NHSL2: variants seen among roughly 807,000 people sequenced by gnomAD.
NHSL2 encodes the protein NHS like 2.
In NHSL2, 27 loss-of-function variants were observed where a neutral mutation model predicts 53.4. The observed-to-expected ratio is 0.51, with a 90% CI of 0.37 to 0.70. The LOEUF (loss-of-function observed/expected upper bound fraction) is 0.70. Among genes scored for constraint, NHSL2 ranks in the 30% least tolerant of loss-of-function variants. The pLI, the probability that NHSL2 is intolerant of heterozygous loss-of-function variation, is 0.00. For missense variants in NHSL2, 892 were observed against 980.1 expected, an observed-to-expected ratio of 0.91 and a Z score of 1.20; for synonymous variants, 408 against 404.1, an observed-to-expected ratio of 1.01 and a Z score of -0.12.
intron 1 of NHSL2, chrX:72,130,463 T>C: frequency 8.3e-7 from 1 of 1,210,721 alleles, no homozygotes; most frequent in Non-Finnish European, 1.1e-6. Flanking sequence ...CTCTGGTCCT[T>C]GGAGTGAAGC....
chrX:72,011,669 CA>C (rs1168112620), intron 1 of NHSL2, among the ~76,000 whole-genome samples: 5 of 102,077 alleles, frequency 4.9e-5, no homozygotes, highest in East Asian at 3.1e-4. Context: ...GACTCCATCT[CA>C]AAAAAAAAAC....
intron 1 of NHSL2, among the ~76,000 whole-genome samples, chrX:71,928,234 G>T (rs1244270041): frequency 2.7e-5 from 3 of 111,788 alleles, no homozygotes; most frequent in African/African-American, 9.8e-5. Flanking sequence ...TGGGAGAATT[G>T]ATTCTTTAGT....
chrX:71,997,833 G>T (rs1569470547), intron 1 of NHSL2, among the ~76,000 whole-genome samples: 1 of 112,085 alleles, frequency 8.9e-6, no homozygotes, highest in African/African-American at 3.2e-5. Flanking sequence ...CTGGCACCTG[G>T]CAGGTACTCA....
At chrX:72,066,011 C>T (rs1198323157) in intron 1 of NHSL2, among the ~76,000 whole-genome samples, 2 of 111,728 alleles carry the variant, frequency 1.8e-5, no homozygotes, top group Non-Finnish European at 3.8e-5. Flanking sequence ...TTGGAAGGTT[C>T]CAAGCAATGG....
chrX:71,980,003 A>G (rs1434261795), intron 1 of NHSL2, among the ~76,000 whole-genome samples: 1 of 112,161 alleles, frequency 8.9e-6, no homozygotes, highest in Non-Finnish European at 1.9e-5. Flanking sequence ...TCCCAGCACC[A>G]TTTATTAAAT....
At chrX:71,947,546 G>A (rs919257006) in intron 1 of NHSL2, among the ~76,000 whole-genome samples, 1 of 112,266 alleles carries the variant, frequency 8.9e-6, no homozygotes, top group African/African-American at 3.2e-5. Context: ...AAGAGGAAAA[G>A]GAAGTAAGTT....
rs1259343554 is a variant in NHSL2, at chrX:72,134,583, G to A, written c.639G>A (p.Leu213=). ...GVRAPEASLS[L]STTADKQTAW... is the part of the protein sequence containing the mutation. ...GGGCCCCCGAGGCCTCCCTGAGCCT[G>A]TCTACCACAGCCGACAAGCAAACTG... Residue 213 remains leucine, a synonymous_variant, in exon 4 of 8, where the codon CTG becomes CTA. Coordinates refer to ENST00000633930, the MANE Select transcript of NHSL2 (RefSeq NM_001013627.3). The A allele has an allele frequency of 8.6e-7, 1 of 1,166,457 alleles. No individual in the cohort carries two copies. The highest frequency in any genetic ancestry group is 2.6e-5 in the Admixed American group (1 of 38,875).
At chrX:72,038,401 T>C (rs757962542) in intron 1 of NHSL2, among the ~76,000 whole-genome samples, 1 of 112,127 alleles carries the variant, frequency 8.9e-6, no homozygotes, top group South Asian at 3.7e-4. Context: ...AACAGTAAAG[T>C]AGGGAGAAAA....
At chrX:72,088,279 G>A (rs751372161) in intron 1 of NHSL2, among the ~76,000 whole-genome samples, 3 of 111,926 alleles carry the variant, frequency 2.7e-5, no homozygotes, top group South Asian at 3.7e-4. Context: ...GTAATATAAC[G>A]GTAACCTTTG....
chrX:72,096,276 C>T (rs767073110), intron 1 of NHSL2, among the ~76,000 whole-genome samples: 7 of 111,428 alleles, frequency 6.3e-5, no homozygotes, highest in Admixed American at 1.9e-4. Flanking sequence ...GTAGAATCAA[C>T]GGAACTTGGT....
In NHSL2 at chrX:72,086,020, T is replaced by A. The variant is rs142797815; in HGVS notation, c.281-46059T>A. On this transcript the variant is annotated intron_variant, in intron 1 of 7. Coordinates refer to ENST00000633930, the MANE Select transcript of NHSL2 (RefSeq NM_001013627.3). ...ATTCTAGCATCTCTCCCAATGGGCC[T>A]CCTTGTGGTCTGCCTGGTCCCAGAG... is the stretch of plus-strand genomic sequence containing the variant. 4.6e-3 allele frequency among the ~76,000 whole-genome samples: 512 copies of A among 111,949 alleles called. 4 individuals carry two copies. The highest frequency in any genetic ancestry group is 0.016 in the African/African-American group (501 of 30,793).
chrX:72,077,379 C>T (rs1422116450), intron 1 of NHSL2, among the ~76,000 whole-genome samples: 4 of 110,560 alleles, frequency 3.6e-5, no homozygotes, highest in African/African-American at 9.9e-5. Context: ...GGGTACAGAG[C>T]GAGGTTGGAA....
At position 72,145,331 on chromosome X, in the gene NHSL2, A is replaced by G. The variant is rs1324584685; in HGVS notation, c.*1757A>G. ...ACTGAGAAAACTTGGGCCTCTCACAAGAGAAGCCCTAGGCCTAGGCCCTTT... is the reference window on the plus strand; with the variant it reads ...ACTGAGAAAACTTGGGCCTCTCACAGGAGAAGCCCTAGGCCTAGGCCCTTT... On this transcript the variant is annotated 3_prime_UTR_variant, in exon 8 of 8. Transcript: ENST00000633930. 8.9e-6 allele frequency: 1 copy of G among 112,494 alleles called. No individual in the cohort carries two copies. The highest frequency in any genetic ancestry group is 3.2e-5 in the African/African-American group (1 of 30,924). 9.3% of individuals were successfully genotyped at this position (112,494 alleles called of 1,213,427 possible).
At chrX:71,916,710 A>G (rs183168572) in intron 1 of NHSL2, among the ~76,000 whole-genome samples, 1 of 112,280 alleles carries the variant, frequency 8.9e-6, no homozygotes, top group East Asian at 2.8e-4. Context: ...GCGTCCAAAG[A>G]TGGAATTTGG....
intron 1 of NHSL2, among the ~76,000 whole-genome samples, chrX:72,009,373 G>A (rs1013022534): frequency 3.6e-5 from 4 of 112,354 alleles, no homozygotes; most frequent in East Asian, 2.8e-4. Flanking sequence ...AACCTAACCC[G>A]AAGCCAGAGG....
chrX:72,131,872 G>A (rs1311892639), intron 1 of NHSL2: 2 of 336,264 alleles, frequency 5.9e-6, no homozygotes, highest in South Asian at 5.0e-5. Flanking sequence ...GCGGGCAGGG[G>A]CGAGCGGAGC....
intron 1 of NHSL2, among the ~76,000 whole-genome samples, chrX:71,919,620 C>T (rs1351836394): frequency 2.7e-5 from 3 of 111,785 alleles, no homozygotes; most frequent in South Asian, 3.8e-4. Flanking sequence ...TTTCCCAACC[C>T]GAGGATTTTC....
chrX:71,964,007 ATATG>A (rs1250275444), intron 1 of NHSL2, among the ~76,000 whole-genome samples: 4 of 5,030 alleles, frequency 8.0e-4, no homozygotes, highest in East Asian at 0.019. Flanking sequence ...ATACATATAT[ATATG>A]TATATATATA....
At chrX:72,086,683 CAAAAAAAA>C (rs34481140) in intron 1 of NHSL2, among the ~76,000 whole-genome samples, 1 of 22,484 alleles carries the variant, frequency 4.4e-5, no homozygotes, top group Admixed American at 7.7e-4. Flanking sequence ...AACTCCATCT[CAAAAAAAA>C]AAAAAAAAAA....
Sources: allele counts gnomAD v4.1 joint callset (sites outside exome capture counted in the v4.1 genomes callset), GRCh38; gene constraint gnomAD v4.1.1; transcripts MANE v1.5; gene names NCBI Gene and HGNC (gene_info 2026-07-23, HGNC 2026-07-21).